Variants in ATP9A observed in about 807,000 individuals in gnomAD.
ATP9A encodes ATPase phospholipid transporting 9A, also known as probable phospholipid-transporting ATPase IIA.
Under a neutral mutation model 144.1 loss-of-function variants are expected in ATP9A, and 52 were observed. The ratio of observed to expected loss-of-function variants is 0.36; its 90% CI spans 0.29 to 0.45. The LOEUF (loss-of-function observed/expected upper bound fraction) is 0.45. Among genes scored for constraint, ATP9A ranks in the 20% least tolerant of loss-of-function variants. The pLI, the probability that ATP9A is intolerant of heterozygous loss-of-function variation, is 1.00. For missense variants in ATP9A, 947 were observed against 1,392.7 expected (o/e 0.68, Z 5.09); for synonymous variants, 582 against 557.4 (o/e 1.04, Z -0.62).
intron 4 of ATP9A, among the ~76,000 whole-genome samples, chr20:51,710,924 T>C (rs1478368684): frequency 6.6e-6 from 1 of 152,156 alleles, no homozygotes; most frequent in Non-Finnish European, 1.5e-5. Flanking sequence ...GAAGGCCTCT[T>C]CTCTTGAGCT....
rs370531121 is a variant in ATP9A, at chr20:51,604,887, G to A, written c.2937C>T (p.Leu979=). The A allele has an allele frequency of 2.9e-5, 46 of 1,606,976 alleles. No homozygotes were observed. The highest frequency in any genetic ancestry group is 3.7e-5 in the Non-Finnish European group (44 of 1,176,564). The change falls in exon 27 of 28, where the codon CTC becomes CTT. Residue 979 remains leucine (L), a synonymous_variant. Coordinates refer to ENST00000338821, the MANE Select transcript of ATP9A (RefSeq NM_006045.3). ...GGCTGAGCAGCTCCGCCACTGTCAT[G>A]AGCCAGTGCCAGGTCTGGATGGTCA... ...VALTIQTWHW[L]MTVAELLSLA...
chr20:51,758,194 C>T (rs1182122987), intron 1 of ATP9A, among the ~76,000 whole-genome samples: 1 of 152,146 alleles, frequency 6.6e-6, no homozygotes, highest in African/African-American at 2.4e-5. Context: ...AATTGCTAAC[C>T]TTTCATACAT....
At chr20:51,680,532 G>A (rs2077495822) in intron 9 of ATP9A, among the ~76,000 whole-genome samples, 1 of 152,076 alleles carries the variant, frequency 6.6e-6, no homozygotes, top group Admixed American at 6.6e-5. Context: ...TTGCAGCCCT[G>A]CATTGGCTAC....
At chr20:51,641,523 A>G (rs754589860) in intron 14 of ATP9A, among the ~76,000 whole-genome samples, 2 of 151,584 alleles carry the variant, frequency 1.3e-5, no homozygotes, top group African/African-American at 4.9e-5. Context: ...TCTCAAAAAC[A>G]TAATAATAGA....
rs1455275161 is a variant in ATP9A at position 51,608,521 on chromosome 20, G to A, written c.2742C>T (p.Leu914=). 4 of 1,593,252 alleles carry A rather than the reference G, an allele frequency of 2.5e-6. No individual in the cohort carries two copies. The highest frequency in any genetic ancestry group is 2.6e-6 in the Non-Finnish European group (3 of 1,161,162). ...GGGACTGAAAAGCTAACAGAACCTT[G>A]AGAAGATCCTTGTAGAGCTCAGGAT... ...MLYPELYKDL[L]KGRPLSYKTF... is the part of the protein sequence containing the mutation. The change falls in exon 25 of 28, where the codon CTC becomes CTT. Residue 914 remains leucine, a synonymous_variant. Coordinates refer to ENST00000338821, the MANE Select transcript of ATP9A (RefSeq NM_006045.3).
intron 14 of ATP9A, among the ~76,000 whole-genome samples, chr20:51,646,224 T>C (rs2426338): frequency 0.73 from 111,178 of 152,074 alleles, 41,724 homozygotes; most frequent in Middle Eastern, 0.83. Flanking sequence ...AATAAACCAC[T>C]TGTGACAAGT....
At chr20:51,698,542 C>G (rs148004254) in intron 4 of ATP9A, among the ~76,000 whole-genome samples, 176 of 152,244 alleles carry the variant, frequency 1.2e-3, no homozygotes, top group African/African-American at 4.2e-3. Flanking sequence ...ATTTACTGAA[C>G]GCCTGCTGTA....
chr20:51,671,032 G>C (rs1386191658), intron 12 of ATP9A, 83 bp downstream of exon 12: 3 of 1,528,790 alleles, frequency 2.0e-6, no homozygotes, highest in African/African-American at 1.4e-5. Context: ...CATATGTCCA[G>C]AGAGAGCCCA....
At chr20:51,651,386 A>C (rs529763655) in intron 14 of ATP9A, among the ~76,000 whole-genome samples, 35 of 144,072 alleles carry the variant, frequency 2.4e-4, no homozygotes, top group African/African-American at 8.3e-4. Context: ...TTACATATTT[A>C]TAATATGTAA....
chr20:51,689,477 T>TA (rs1282969417), intron 8 of ATP9A, among the ~76,000 whole-genome samples: 1 of 151,886 alleles, frequency 6.6e-6, no homozygotes, highest in Non-Finnish European at 1.5e-5. Context: ...TTGTGGCTTA[T>TA]AGAAAGAGAA....
At chr20:51,663,276 C>A (rs982572985) in intron 13 of ATP9A, among the ~76,000 whole-genome samples, 2 of 152,130 alleles carry the variant, frequency 1.3e-5, no homozygotes, top group Admixed American at 6.6e-5. Context: ...TCTATCCAGA[C>A]ACACAAAGGC....
intron 3 of ATP9A, among the ~76,000 whole-genome samples, chr20:51,716,491 A>G (rs1042823386): frequency 3.3e-4 from 3 of 9,110 alleles, no homozygotes; most frequent in Non-Finnish European, 7.1e-4. Context: ...CCTGAAACAG[A>G]AAAAAAAAAA....
intron 23 of ATP9A, among the ~76,000 whole-genome samples, chr20:51,612,143 AG>A (rs1195126372): frequency 6.6e-6 from 1 of 151,312 alleles, no homozygotes; most frequent in East Asian, 1.9e-4. Context: ...GAGGGCAAGG[AG>A]GGTCTCATCA....
chr20:51,680,098 T>G (rs928232779), intron 9 of ATP9A, among the ~76,000 whole-genome samples: 1 of 151,914 alleles, frequency 6.6e-6, no homozygotes, highest in Admixed American at 6.6e-5. Context: ...GGCGTGGTGA[T>G]GGGCACCTGT....
chr20:51,764,605 T>C (rs578085938), intron 1 of ATP9A, among the ~76,000 whole-genome samples: 1 of 152,302 alleles, frequency 6.6e-6, no homozygotes, highest in South Asian at 2.1e-4. Context: ...CACAGCTTTA[T>C]TGCCTAGAAC....
chr20:51,754,235 C>T (rs1444076608), intron 1 of ATP9A, among the ~76,000 whole-genome samples: 1 of 152,124 alleles, frequency 6.6e-6, no homozygotes, highest in Non-Finnish European at 1.5e-5. Context: ...GGCGCGGTGG[C>T]TCATGCTTGT....
intron 1 of ATP9A, among the ~76,000 whole-genome samples, chr20:51,737,620 ATTG>A (rs2077767956): frequency 6.6e-6 from 1 of 152,172 alleles, no homozygotes; most frequent in South Asian, 2.1e-4. Context: ...AAAAAAGAGA[ATTG>A]TTGGATGAAT....
intron 1 of ATP9A, among the ~76,000 whole-genome samples, chr20:51,737,396 G>A (rs932577235): frequency 5.9e-4 from 90 of 152,064 alleles, no homozygotes; most frequent in Non-Finnish European, 9.4e-4. Context: ...TGCCACAATG[G>A]ACAGATTTCC....
rs754212556 is a variant in ATP9A, at chr20:51,625,262, G to C, written c.1946C>G (p.Thr649Arg). 1 of 1,614,056 alleles carries C rather than the reference G, an allele frequency of 6.2e-7. No individual in the cohort carries two copies. The highest frequency in any genetic ancestry group is 8.5e-7 in the Non-Finnish European group (1 of 1,180,032). Residue 649 changes from threonine (T) to arginine (R), a missense_variant, in exon 18 of 28, where the codon ACG (threonine) becomes AGG (arginine). This residue lies in a region of ATP9A where 770 missense variants were observed against 1,047.9 expected (regional missense o/e 0.73). Coordinates refer to ENST00000338821, the MANE Select transcript of ATP9A (RefSeq NM_006045.3). The part of the protein sequence containing the change: ...LEMEMELLCL[T>R]GVEDQLQADV... ...TGCCTGCAGCTGGTCCTCCACGCCC[G>C]TCAGGCACAGCAGTTCCATCTCCAT...
Sources: allele counts gnomAD v4.1 joint callset (sites outside exome capture counted in the v4.1 genomes callset), GRCh38; gene constraint gnomAD v4.1.1; regional missense constraint gnomAD v4.1.1; transcripts MANE v1.5; gene names NCBI Gene and HGNC (gene_info 2026-07-23, HGNC 2026-07-21).